The following SYTL3 variants were observed in gnomAD, a reference collection of about 807,000 sequenced individuals.
SYTL3 encodes synaptotagmin like 3.
A neutral mutation model predicts 82.1 loss-of-function variants in SYTL3; 88 were observed. That is an observed-to-expected ratio of 1.07 (90% CI 0.90 to 1.28). The LOEUF is 1.28. Ranked by LOEUF, SYTL3 falls within the 50% of genes most tolerant of loss-of-function variation. SYTL3 has a pLI of 0.00. For synonymous variants in SYTL3, 311 were observed against 289.4 expected, an observed-to-expected ratio of 1.07 and a Z score of -0.76; for missense variants, 831 against 757.6, an observed-to-expected ratio of 1.10 and a Z score of -1.14.
intron 5 of SYTL3, among the ~76,000 whole-genome samples, chr6:158,667,512 GTCC>G (rs57264001): frequency 7.6e-4 from 116 of 152,268 alleles, no homozygotes; most frequent in African/African-American, 2.5e-3. Flanking sequence ...AGTCTGGGCT[GTCC>G]TCCTCCTCTT....
intron 6 of SYTL3, among the ~76,000 whole-genome samples, chr6:158,704,469 A>G (rs1781738131): frequency 6.6e-6 from 1 of 152,258 alleles, no homozygotes. Context: ...GAGGTTTCCT[A>G]GCTGGGGTCT....
intron 5 of SYTL3, among the ~76,000 whole-genome samples, chr6:158,668,246 T>TTTG (rs1790330251): frequency 1.3e-5 from 1 of 79,324 alleles, no homozygotes; most frequent in South Asian, 4.3e-4. Context: ...TTATTTATTT[T>TTTG]GAGACAGAGT....
At chr6:158,687,512 C>T (rs74410528) in intron 6 of SYTL3, among the ~76,000 whole-genome samples, 8 of 152,190 alleles carry the variant, frequency 5.3e-5, no homozygotes, top group Non-Finnish European at 1.0e-4. Flanking sequence ...TATCAGGAAG[C>T]AAGAATCACT....
At chr6:158,699,375 C>T (rs1358278593) in intron 6 of SYTL3, among the ~76,000 whole-genome samples, 2 of 152,074 alleles carry the variant, frequency 1.3e-5, no homozygotes, top group African/African-American at 4.8e-5. Context: ...ATGACAGAGC[C>T]CAGTTTGAGA....
chr6:158,733,623 G>A (rs1429412446), intron 11 of SYTL3, among the ~76,000 whole-genome samples: 4 of 151,692 alleles, frequency 2.6e-5, no homozygotes, highest in East Asian at 2.0e-4. Context: ...CACCGTGCCC[G>A]GCCACCTCTA....
At chr6:158,691,165 G>A (rs1168433360) in intron 6 of SYTL3, among the ~76,000 whole-genome samples, 1 of 152,044 alleles carries the variant, frequency 6.6e-6, no homozygotes. Flanking sequence ...TGGTCAACAT[G>A]GTGAAACGCT....
At chr6:158,757,676 G>A (rs1261662794) in intron 14 of SYTL3, among the ~76,000 whole-genome samples, 2 of 152,220 alleles carry the variant, frequency 1.3e-5, no homozygotes, top group Non-Finnish European at 2.9e-5. Flanking sequence ...GCCTCCCTTT[G>A]CTGGTGGCTG....
rs1272414389 is a variant in SYTL3 at position 158,756,717 on chromosome 6, AAATTTTTTTTTTTT to A, written c.1138-493_1138-480del. On this transcript the variant is annotated intron_variant, in intron 13 of 17. Coordinates refer to ENST00000611299, the MANE Select transcript of SYTL3 (RefSeq NM_001242394.2). Reference sequence around the variant, plus strand: ...CAGAGCGAGATCCTGTCTCAAAAAAAAATTTTTTTTTTTTTTTTTTTTTTTTTTTTTAGTATTTT... The same window carrying A: ...CAGAGCGAGATCCTGTCTCAAAAAAATTTTTTTTTTTTTTTTTAGTATTTT... Among the ~76,000 whole-genome samples the A allele has an allele frequency of 1.1e-4, 6 of 53,290 alleles. No individual in the cohort carries two copies. The East Asian group carries it at 0.013, about 117-fold the overall frequency. The allele number at this position is 53,290 out of a possible 152,430, so 35.0% of individuals were successfully genotyped here.
intron 11 of SYTL3, chr6:158,726,605 A>G (rs1784744044): frequency 4.4e-6 from 1 of 229,762 alleles, no homozygotes; most frequent in Non-Finnish European, 9.4e-6. Flanking sequence ...AGTCTTGGGG[A>G]GCCTCTGGAT....
At chr6:158,717,735 T>A (rs1562416819) in intron 9 of SYTL3, among the ~76,000 whole-genome samples, 2 of 152,200 alleles carry the variant, frequency 1.3e-5, no homozygotes, top group Non-Finnish European at 2.9e-5. Flanking sequence ...TTTGGTAGGC[T>A]GCCGTCTTCG....
intron 10 of SYTL3, among the ~76,000 whole-genome samples, chr6:158,723,972 C>T (rs1250528513): frequency 2.6e-5 from 4 of 152,236 alleles, no homozygotes; most frequent in African/African-American, 9.6e-5. Context: ...TCACCAGCTG[C>T]TCCAGGTGGA....
chr6:158,701,549 G>C (rs575683482), intron 6 of SYTL3, among the ~76,000 whole-genome samples: 45 of 129,424 alleles, frequency 3.5e-4, no homozygotes, highest in Middle Eastern at 3.8e-3. Flanking sequence ...AGCTGTTCTG[G>C]GGGGGAGGAG....
chr6:158,689,193 T>C (rs1779598607), intron 6 of SYTL3, among the ~76,000 whole-genome samples: 2 of 152,240 alleles, frequency 1.3e-5, no homozygotes, highest in African/African-American at 2.4e-5. Context: ...GGCACATCTC[T>C]GAATATTTCT....
rs185756102 is a variant in SYTL3 at position 158,732,792 on chromosome 6, A to G, written c.855+7155A>G. On this transcript the variant is annotated intron_variant, in intron 11 of 17. Coordinates refer to ENST00000611299, the MANE Select transcript of SYTL3 (RefSeq NM_001242394.2). ...AAGTGAACGTATGTTAGTATTGTAA[A>G]AAACCTTTACTAGACACTCTGCCAA... 8.5e-4 allele frequency among the ~76,000 whole-genome samples: 129 copies of G among 152,360 alleles called. 1 individual carries two copies. The highest frequency in any genetic ancestry group is 3.1e-3 in the African/African-American group (128 of 41,582).
intron 5 of SYTL3, among the ~76,000 whole-genome samples, chr6:158,677,705 C>CAAAAAAA (rs56865775): frequency 1.2e-4 from 8 of 68,110 alleles, no homozygotes; most frequent in Non-Finnish European, 2.6e-4. Context: ...AACTCTGTCT[C>CAAAAAAA]AAAAAAAAAA....
At chr6:158,692,051 A>T (rs1354558769) in intron 6 of SYTL3, among the ~76,000 whole-genome samples, 1 of 145,826 alleles carries the variant, frequency 6.9e-6, no homozygotes, top group Non-Finnish European at 1.5e-5. Context: ...AGGTCAGGAG[A>T]TCGAGACCAT....
chr6:158,648,427 T>A (rs534707036), upstream of SYTL3, among the ~76,000 whole-genome samples: 1 of 150,244 alleles, frequency 6.7e-6, no homozygotes, highest in East Asian at 2.0e-4. Flanking sequence ...CTGTATCTAC[T>A]AAAAATACAA....
chr6:158,665,276 G>C, intron 4 of SYTL3, 119 bp from the exon 5 acceptor site: 1 of 848,196 alleles, frequency 1.2e-6, no homozygotes, highest in Non-Finnish European at 1.9e-6. Flanking sequence ...TGGAGTCCAG[G>C]GATGTCGAAT....
chr6:158,670,934 C>T (rs1777303537), intron 5 of SYTL3, among the ~76,000 whole-genome samples: 1 of 151,754 alleles, frequency 6.6e-6, no homozygotes, highest in Non-Finnish European at 1.5e-5. Context: ...TCCCAAATAG[C>T]TGGGACTACA....
Sources: allele counts gnomAD v4.1 joint callset (sites outside exome capture counted in the v4.1 genomes callset), GRCh38; gene constraint gnomAD v4.1.1; transcripts MANE v1.5; gene names NCBI Gene and HGNC (gene_info 2026-07-23, HGNC 2026-07-21).